MAP1A: variants seen among roughly 807,000 people sequenced by gnomAD.
MAP1A encodes microtubule-associated protein 1A.
MAP1A carries 42 observed loss-of-function variants against 185.9 expected under a neutral mutation model. The observed-to-expected ratio is 0.23, with a 90% CI of 0.18 to 0.29. The LOEUF is 0.29. Among genes scored for constraint, MAP1A ranks in the 10% least tolerant of loss-of-function variants. The probability of loss-of-function intolerance (pLI) is 1.00; values close to 1 mark genes in which losing one functional copy is unlikely to be tolerated. For synonymous variants in MAP1A, 1,229 were observed against 1,335.9 expected (o/e 0.92, Z 1.74); for missense variants, 2,995 against 3,450.4 (o/e 0.87, Z 3.31).
Position 43,529,904 on chromosome 15 carries a change from G to A in MAP1A, c.8256+34G>A, listed in dbSNP as rs757301941. 3 of 1,600,836 alleles carry A rather than the reference G, an allele frequency of 1.9e-6. No homozygotes were observed. The highest frequency in any genetic ancestry group is 2.6e-6 in the Non-Finnish European group (3 of 1,171,592). ...CAAAGGACACCAAGGAAGTAGTCTGGTCAACGCTCACTCAGAGGCAGTAGT... is the reference window on the plus strand; with the variant it reads ...CAAAGGACACCAAGGAAGTAGTCTGATCAACGCTCACTCAGAGGCAGTAGT... On this transcript the variant is annotated intron_variant, in intron 5 of 5. Transcript: ENST00000300231. This position sits in a 1 kb window ranked among gnomAD's most constrained non-coding sequence, Gnocchi z 4.3.
chr15:43,511,882 G>T (rs1050804882), intron 1 of MAP1A, among the ~76,000 whole-genome samples: 2 of 152,190 alleles, frequency 1.3e-5, no homozygotes, highest in African/African-American at 4.8e-5. Context: ...AGGCCCTTAG[G>T]TGTCACTTCC....
At chr15:43,517,454 C>T (rs1196488956), upstream of MAP1A, among the ~76,000 whole-genome samples, 1 of 152,100 alleles carries the variant, frequency 6.6e-6, no homozygotes, top group Non-Finnish European at 1.5e-5. Flanking sequence ...ATCCCTCAGC[C>T]CCACAGAGCC....
upstream of MAP1A, among the ~76,000 whole-genome samples, chr15:43,515,593 A>G (rs1341882583): frequency 6.6e-6 from 1 of 152,210 alleles, no homozygotes; most frequent in East Asian, 1.9e-4. Flanking sequence ...TACATTGCAG[A>G]TTTGGAAGTC....
rs568386399 is a variant in MAP1A, at chr15:43,525,982, C to A, written c.4509C>A (p.Val1503=). 9.3e-6 allele frequency: 15 copies of A among 1,614,010 alleles called. No homozygotes were observed. Among genetic ancestry groups the A allele is most frequent in the Middle Eastern group, 1.6e-4 (1 of 6,062 alleles). Residue 1503 remains valine, a synonymous_variant, in exon 4 of 6, where the codon GTC becomes GTA. Coordinates refer to ENST00000300231, the MANE Select transcript of MAP1A (RefSeq NM_002373.6). ...AAGACAAAGCCTTAGATCAAAAAGTCAGAAGTGTTGAACATAAGGCTCCGG... is the reference window on the plus strand; with the variant it reads ...AAGACAAAGCCTTAGATCAAAAAGTAAGAAGTGTTGAACATAAGGCTCCGG... The part of the protein sequence containing the change: ...EEKDKALDQK[V]RSVEHKAPED...
In MAP1A at chr15:43,529,710, CG is replaced by C. The variant is rs1566979768; in HGVS notation, c.8097del (p.Asn2700IlefsTer54). The C allele has an allele frequency of 6.2e-7, 1 of 1,614,026 alleles. No homozygotes were observed. The highest frequency in any genetic ancestry group is 1.1e-5 in the South Asian group (1 of 91,082). On this transcript the variant is annotated frameshift_variant, in exon 5 of 6. Transcript: ENST00000300231. LOFTEE classifies it high-confidence loss of function. This position sits in a 1 kb window ranked among gnomAD's most constrained non-coding sequence, Gnocchi z 4.3. Reference sequence around the variant, plus strand: ...GTATATGTGGATCTCGCCTACATCCCGAATCATTGCAGTGGCAAGACTGCTG... The same window carrying C: ...GTATATGTGGATCTCGCCTACATCCCAATCATTGCAGTGGCAAGACTGCTG... ...APVYVDLAYI[P>X]NHCSGKTADL...
chr15:43,518,170 T>C (rs547368004), intron 1 of MAP1A, among the ~76,000 whole-genome samples: 1 of 151,962 alleles, frequency 6.6e-6, no homozygotes, highest in Non-Finnish European at 1.5e-5. Flanking sequence ...TTTTGCCAAG[T>C]AAGGGAAGGT....
rs754652822 is a variant in MAP1A, at chr15:43,529,193, C to T, written c.7720C>T (p.Arg2574Cys). The change falls in exon 4 of 6, where the codon CGC becomes TGC. Residue 2574 changes from arginine (R) to cysteine (C), a missense_variant. Physicochemically the swap from Arg to Cys is radical, Grantham distance 180. This residue lies in a region of MAP1A where 2,728 missense variants were observed against 2,986.0 expected (regional missense o/e 0.91). Transcript: ENST00000300231. The surrounding 1 kb of genome is among the most constrained non-coding windows in gnomAD (Gnocchi z 4.3). ...GCCAGACCCCCGCCCATCCCCTCCC[C>T]GCCCTGATGTGTGCATGGCTGACCC... ...PQPDPRPSPP[R>C]PDVCMADPEG... 11 of 1,612,172 alleles carry T rather than the reference C, an allele frequency of 6.8e-6. No homozygotes were observed. Among genetic ancestry groups the T allele is most frequent in the Admixed American group, 1.7e-5 (1 of 59,930 alleles).
chr15:43,524,851 C>G lies in MAP1A; in HGVS notation c.3378C>G (p.Pro1126=), dbSNP rs745567806. 6.8e-6 allele frequency: 11 copies of G among 1,614,006 alleles called. No individual in the cohort carries two copies. The highest frequency in any genetic ancestry group is 8.5e-6 in the Non-Finnish European group (10 of 1,180,030). ...TTCCCGGAGGTTTGAGGACTTTACC[C>G]CAAGAACCTGGCAAACCTCAGAAAG... The part of the protein sequence containing the change: ...EALPGGLRTL[P]QEPGKPQKDE... The change falls in exon 4 of 6, where the codon CCC becomes CCG. Residue 1126 remains proline (P), a synonymous_variant. Transcript: ENST00000300231.
At position 43,525,288 on chromosome 15, in the gene MAP1A, G is replaced by A. The variant is rs541604230; in HGVS notation, c.3815G>A (p.Arg1272Gln). ...TASPPTDGTT[R>Q]YSAQTDITDD... ...TCACCTCCCACAGATGGGACAACTC[G>A]ATACTCTGCACAGACAGACATCACA... Residue 1272 changes from arginine (R) to glutamine (Q), a missense_variant, in exon 4 of 6, where the codon CGA becomes CAA. By Grantham distance (43) the Arg-to-Gln change is conservative. This residue lies in a region of MAP1A where 2,728 missense variants were observed against 2,986.0 expected (regional missense o/e 0.91). Coordinates refer to ENST00000300231, the MANE Select transcript of MAP1A (RefSeq NM_002373.6). 28 of 1,614,156 alleles carry A rather than the reference G, an allele frequency of 1.7e-5. No individual in the cohort carries two copies. The South Asian group carries it at 1.9e-4, about 11-fold the overall frequency.
At position 43,526,319 on chromosome 15, in the gene MAP1A, GAGA is replaced by G; in HGVS notation, c.4850_4852del (p.Lys1617del). The G allele has an allele frequency of 6.2e-7, 1 of 1,614,116 alleles. No homozygotes were observed. Among genetic ancestry groups the G allele is most frequent in the Non-Finnish European group, 8.5e-7 (1 of 1,180,038 alleles). On this transcript the variant is annotated inframe_deletion, in exon 4 of 6. Transcript: ENST00000300231. The surrounding 1 kb of genome is among the most constrained non-coding windows in gnomAD (Gnocchi z 4.7). ...GGAAGAGAAGTTAGAAGCTCTTCTG[GAGA>G]AGACCAAAGCTCTGGGCCTGGAAGA...
At chr15:43,512,356 G>T in intron 2 of MAP1A, 2 of 1,190,620 alleles carry the variant, frequency 1.7e-6, no homozygotes, top group Non-Finnish European at 1.2e-6. Context: ...CAGTCTCCCT[G>T]GGAGAAGTGG....
intron 1 of MAP1A, chr15:43,511,233 C>T: frequency 6.5e-7 from 1 of 1,548,144 alleles, no homozygotes; most frequent in Non-Finnish European, 8.7e-7. Context: ...CAAGGTGAGC[C>T]ACTGTTCTGG....
Position 43,529,792 on chromosome 15 carries a change from C to T in MAP1A, c.8178C>T (p.Asp2726=), listed in dbSNP as rs1186496493. ...RASYYVVSGN[D]PANGEPSRAV... ...CCTACTATGTGGTCAGTGGGAATGA[C>T]CCTGCCAATGGCGAGCCAAGCCGGG... Residue 2726 remains aspartate, a synonymous_variant, in exon 5 of 6, where the codon GAC becomes GAT. Transcript: ENST00000300231. The surrounding 1 kb of genome is among the most constrained non-coding windows in gnomAD (Gnocchi z 4.3). 6.2e-7 allele frequency: 1 copy of T among 1,614,162 alleles called. No homozygotes were observed. Among genetic ancestry groups the T allele is most frequent in the East Asian group, 2.2e-5 (1 of 44,874 alleles).
rs1406209350 is a variant in MAP1A at position 43,530,124 on chromosome 15, C to T, written c.8312C>T (p.Thr2771Ile). ...TEVTREWYQQ[T>I]HEQQQQLNVL... is the part of the protein sequence containing the mutation. Reference sequence around the variant, plus strand: ...GTGACTCGTGAGTGGTACCAACAAACTCATGAGCAGCAGCAACAACTGAAT... The same window carrying T: ...GTGACTCGTGAGTGGTACCAACAAATTCATGAGCAGCAGCAACAACTGAAT... The change falls in exon 6 of 6, where the codon ACT becomes ATT. Residue 2771 changes from threonine to isoleucine, a missense_variant. Physicochemically the swap from Thr to Ile is moderately conservative, Grantham distance 89. Transcript: ENST00000300231. 1 of 1,614,204 alleles carries T rather than the reference C, an allele frequency of 6.2e-7. No homozygotes were observed. The highest frequency in any genetic ancestry group is 2.2e-5 in the East Asian group (1 of 44,882).
chr15:43,516,637 G>T (rs2079298406), upstream of MAP1A, among the ~76,000 whole-genome samples: 1 of 152,188 alleles, frequency 6.6e-6, no homozygotes, highest in Admixed American at 6.5e-5. Context: ...TGGAGGTAGA[G>T]ACTAAGGGAA....
rs1490302800 is a variant in MAP1A, at chr15:43,521,158, C to T, written c.-151+46C>T. The T allele has an allele frequency of 6.6e-7, 1 of 1,520,206 alleles. No homozygotes were observed. The highest frequency in any genetic ancestry group is 8.8e-7 in the Non-Finnish European group (1 of 1,137,418). 94.2% of individuals were successfully genotyped at this position (1,520,206 alleles called of 1,614,324 possible). ...TCTGGGAGAAAGGGTAGCACTAGAG[C>T]TGTGGGAGGGATCTAAGGGAAAGTC... On this transcript the variant is annotated intron_variant, in intron 3 of 5. Transcript: ENST00000300231. This position sits in a 1 kb window ranked among gnomAD's most constrained non-coding sequence, Gnocchi z 4.6.
chr15:43,513,139 A>AC (rs1440018875), upstream of MAP1A, among the ~76,000 whole-genome samples: 1 of 151,846 alleles, frequency 6.6e-6, no homozygotes, highest in African/African-American at 2.4e-5. Context: ...GGCCAGCCTG[A>AC]CCAACGGAGA....
chr15:43,521,012 TA>T lies in MAP1A; in HGVS notation c.-249del, dbSNP rs2079317118. On this transcript the variant is annotated 5_prime_UTR_variant, in exon 3 of 6. Coordinates refer to ENST00000300231, the MANE Select transcript of MAP1A (RefSeq NM_002373.6). The surrounding 1 kb of genome is among the most constrained non-coding windows in gnomAD (Gnocchi z 4.6). Reference sequence around the variant, plus strand: ...AGCAGCTCATCAGCTTATAAACTACTAATCTTGAGTGGGCAAAGTTTAGAGC... The same window carrying T: ...AGCAGCTCATCAGCTTATAAACTACTATCTTGAGTGGGCAAAGTTTAGAGC... 2 of 1,549,984 alleles carry T rather than the reference TA, an allele frequency of 1.3e-6. No individual in the cohort carries two copies. Among genetic ancestry groups the T allele is most frequent in the African/African-American group, 1.4e-5 (1 of 73,032 alleles).
chr15:43,524,108 C>T lies in MAP1A; in HGVS notation c.2635C>T (p.Arg879Cys), dbSNP rs1354334728. 11 of 1,614,044 alleles carry T rather than the reference C, an allele frequency of 6.8e-6. No individual in the cohort carries two copies. The highest frequency in any genetic ancestry group is 9.3e-6 in the Non-Finnish European group (11 of 1,180,046). Residue 879 changes from arginine to cysteine, a missense_variant, in exon 4 of 6, where the codon CGT becomes TGT. This residue lies in a region of MAP1A where 2,728 missense variants were observed against 2,986.0 expected (regional missense o/e 0.91). Transcript: ENST00000300231. ...CACAGTCACAAGCATCCCTTCCTCC[C>T]GTACTGAAGCTACGCAGGGCTTGGA... ...LDTVTSIPSS[R>C]TEATQGLDYV...
Sources: allele counts gnomAD v4.1 joint callset (sites outside exome capture counted in the v4.1 genomes callset), GRCh38; gene constraint gnomAD v4.1.1; regional missense constraint gnomAD v4.1.1; non-coding constraint Gnocchi (gnomAD v3.1); transcripts MANE v1.5; gene names NCBI Gene and HGNC (gene_info 2026-07-23, HGNC 2026-07-21).